Variants in GDA observed in about 807,000 individuals in gnomAD.
GDA encodes the protein guanine deaminase, also known as cytoplasmic PSD-95 interactor.
GDA carries 18 observed loss-of-function variants against 59.6 expected under a neutral mutation model. The observed-to-expected ratio is 0.30, with a 90% CI of 0.21 to 0.45. The LOEUF is 0.45. Among genes scored for constraint, GDA ranks in the 20% least tolerant of loss-of-function variants. The pLI, the probability that GDA is intolerant of heterozygous loss-of-function variation, is 1.00. For missense variants in GDA, 427 were observed against 552.3 expected, an observed-to-expected ratio of 0.77 and a Z score of 2.27; for synonymous variants, 201 against 201.1, an observed-to-expected ratio of 1.00 and a Z score of 0.00.
chr9:72,181,497 G>C (rs1247898308), intron 1 of GDA, among the ~76,000 whole-genome samples: 1 of 152,116 alleles, frequency 6.6e-6, no homozygotes, highest in Non-Finnish European at 1.5e-5. Context: ...GCTAAGTTTT[G>C]TATTTTTAGT....
intron 1 of GDA, among the ~76,000 whole-genome samples, chr9:72,157,138 C>G (rs1162905931): frequency 7.0e-6 from 1 of 141,960 alleles, no homozygotes; most frequent in Non-Finnish European, 1.5e-5. Flanking sequence ...CTCCTGGGTT[C>G]AAGCGATTCT....
rs1834175257 is a variant in GDA at position 72,202,839 on chromosome 9, A to G, written c.384+97A>G. 3.3e-6 allele frequency: 3 copies of G among 922,814 alleles called. No individual in the cohort carries two copies. In the East Asian group the frequency reaches 7.5e-5, roughly 23 times the overall value. 57.2% of individuals were successfully genotyped at this position (922,814 alleles called of 1,614,324 possible). ...TTAAATTATAAAGCATAAGCAGTTA[A>G]GCCTAAGATGGGCCATAGAGAATTT... On this transcript the variant is annotated intron_variant, in intron 3 of 13. Coordinates refer to ENST00000358399, the MANE Select transcript of GDA (RefSeq NM_004293.5).
At chr9:72,145,974 G>A (rs1359949003), upstream of GDA, among the ~76,000 whole-genome samples, 5 of 152,116 alleles carry the variant, frequency 3.3e-5, no homozygotes, top group East Asian at 9.6e-4. Context: ...GTGTTAAGGG[G>A]ATGGATACAC....
chr9:72,182,778 A>G (rs1027171580), intron 1 of GDA, among the ~76,000 whole-genome samples: 1 of 152,144 alleles, frequency 6.6e-6, no homozygotes, highest in Admixed American at 6.6e-5. Context: ...TCTTCCACAT[A>G]TATTAGTTGG....
chr9:72,171,115 T>A (rs902954842), intron 1 of GDA, among the ~76,000 whole-genome samples: 5 of 152,148 alleles, frequency 3.3e-5, no homozygotes, highest in Non-Finnish European at 5.9e-5. Flanking sequence ...CCATCCACCG[T>A]GCTCTGGGTC....
At chr9:72,197,669 G>C (rs564198982) in intron 2 of GDA, 5 of 152,288 alleles carry the variant, frequency 3.3e-5, no homozygotes, top group African/African-American at 1.2e-4. Flanking sequence ...CAAGGAAGTA[G>C]TAAGGTAAGA....
chr9:72,243,836 A>G (rs1038206102), intron 11 of GDA, among the ~76,000 whole-genome samples: 1 of 152,222 alleles, frequency 6.6e-6, no homozygotes, highest in African/African-American at 2.4e-5. Flanking sequence ...ATATTTTCAC[A>G]TGAAACTTTA....
intron 1 of GDA, among the ~76,000 whole-genome samples, chr9:72,179,525 A>G (rs1830925357): frequency 6.6e-6 from 1 of 152,158 alleles, no homozygotes; most frequent in South Asian, 2.1e-4. Context: ...ACCATTTCAA[A>G]CTATCTCAGA....
chr9:72,185,050 G>A (rs4618766), intron 1 of GDA, among the ~76,000 whole-genome samples: 28,355 of 152,180 alleles, frequency 0.19, 3,001 homozygotes, highest in East Asian at 0.5. Flanking sequence ...TAAAATGCAA[G>A]TTTCAGTTCC....
upstream of GDA, among the ~76,000 whole-genome samples, chr9:72,145,996 G>A (rs1826615491): frequency 6.6e-6 from 1 of 152,138 alleles, no homozygotes; most frequent in South Asian, 2.1e-4. Context: ...GAAAGAAAGA[G>A]GACATGGTCC....
intron 10 of GDA, among the ~76,000 whole-genome samples, chr9:72,233,901 C>G (rs1238251237): frequency 6.6e-6 from 1 of 152,076 alleles, no homozygotes; most frequent in Non-Finnish European, 1.5e-5. Flanking sequence ...ATGTTCATGC[C>G]ACTGCACTCC....
chr9:72,140,234 T>C (rs1291781633), intron 1 of GDA, among the ~76,000 whole-genome samples: 1 of 152,214 alleles, frequency 6.6e-6, no homozygotes, highest in Non-Finnish European at 1.5e-5. Flanking sequence ...TGTATTTTTC[T>C]GAAACTTTTG....
intron 1 of GDA, among the ~76,000 whole-genome samples, chr9:72,116,386 C>T (rs932463840): frequency 4.7e-5 from 6 of 128,320 alleles, no homozygotes; most frequent in East Asian, 2.3e-4. Context: ...TTTCCCCAGC[C>T]TTTTTTTTTT....
At chr9:72,205,377 T>C (rs1775110390) in intron 3 of GDA, among the ~76,000 whole-genome samples, 1 of 152,132 alleles carries the variant, frequency 6.6e-6, no homozygotes, top group Non-Finnish European at 1.5e-5. Flanking sequence ...CCTGTCCCTT[T>C]ACTGTAATTA....
rs1436869078 is a variant in GDA, at chr9:72,245,288, A to C, written c.1266+10A>C. On this transcript the variant is annotated intron_variant, in intron 12 of 13. Coordinates refer to ENST00000358399, the MANE Select transcript of GDA (RefSeq NM_004293.5). ...TGGTGATATTTCTGAGGTAAGTAAAAGAAAGTTAATCAAAAGGCATTTATT... is the reference window on the plus strand; with the variant it reads ...TGGTGATATTTCTGAGGTAAGTAAACGAAAGTTAATCAAAAGGCATTTATT... 1.2e-6 allele frequency: 2 copies of C among 1,600,502 alleles called. No individual in the cohort carries two copies. The highest frequency in any genetic ancestry group is 1.7e-5 in the Admixed American group (1 of 59,866).
chr9:72,114,931 CAGAG>C (rs996228505), intron 1 of GDA: 5 of 152,116 alleles, frequency 3.3e-5, no homozygotes, highest in African/African-American at 1.2e-4. Flanking sequence ...CTTAATGGGA[CAGAG>C]AGAGAGTGTG....
Position 72,249,449 on chromosome 9 carries a change from T to C in GDA, c.*1107T>C. 2.3e-6 allele frequency: 2 copies of C among 858,106 alleles called. No homozygotes were observed. The highest frequency in any genetic ancestry group is 2.8e-6 in the Non-Finnish European group (2 of 713,920). The allele number at this position is 858,106 out of a possible 1,614,324, so 53.2% of individuals were successfully genotyped here. On this transcript the variant is annotated 3_prime_UTR_variant, in exon 14 of 14. Transcript: ENST00000358399. ...CACTCTATTTTCTAATTTTATCCAG[T>C]TTTCTGTTTAACTCCTTATAATGTT...
Position 72,227,157 on chromosome 9 carries a change from C to T in GDA, c.823-786C>T, listed in dbSNP as rs181879331. Among the ~76,000 whole-genome samples, 412 of 152,120 alleles carry T rather than the reference C, an allele frequency of 2.7e-3. 1 individual carries two copies. The highest frequency in any genetic ancestry group is 5.2e-3 in the Admixed American group (79 of 15,290). ...TCTGTAGTCACTGAACCGTGCCTCT[C>T]AAAGGGGAAAGCAAGTTGGGTACAG... is the stretch of plus-strand genomic sequence containing the variant. On this transcript the variant is annotated intron_variant, in intron 8 of 13. Transcript: ENST00000358399.
intron 1 of GDA, among the ~76,000 whole-genome samples, chr9:72,137,171 A>G (rs1158701933): frequency 6.6e-6 from 1 of 151,314 alleles, no homozygotes; most frequent in Non-Finnish European, 1.5e-5. Flanking sequence ...TTTAAAATTT[A>G]GGATCCTTAA....
Sources: allele counts gnomAD v4.1 joint callset (sites outside exome capture counted in the v4.1 genomes callset), GRCh38; gene constraint gnomAD v4.1.1; transcripts MANE v1.5; gene names NCBI Gene and HGNC (gene_info 2026-07-23, HGNC 2026-07-21).